Variants in DGCR2 observed in about 807,000 individuals in gnomAD.
DGCR2 encodes the protein integral membrane protein DGCR2/IDD.
Under a neutral mutation model 51.6 loss-of-function variants are expected in DGCR2, and 24 were observed. The observed-to-expected ratio is 0.47, with a 90% confidence interval of 0.34 to 0.65. The LOEUF (loss-of-function observed/expected upper bound fraction) is 0.65, where lower values mean the gene tolerates loss of function less well. DGCR2 is among the 30% of genes least tolerant of loss of function. DGCR2 has a pLI of 0.01. For missense variants in DGCR2, 765 were observed against 772.1 expected, an observed-to-expected ratio of 0.99 and a Z score of 0.11; for synonymous variants, 340 against 315.4, an observed-to-expected ratio of 1.08 and a Z score of -0.82.
intron 1 of DGCR2, among the ~76,000 whole-genome samples, chr22:19,120,812 C>T (rs2083423476): frequency 6.6e-6 from 1 of 152,220 alleles, no homozygotes; most frequent in African/African-American, 2.4e-5. Context: ...CCTCCAAGAG[C>T]CTATATGATA....
At chr22:19,041,982 G>T in intron 7 of DGCR2, 23 bp from the exon 8 acceptor site, 1 of 1,607,078 alleles carries the variant, frequency 6.2e-7, no homozygotes. Flanking sequence ...GGAGGAAATG[G>T]CCGCTCTGAG....
chr22:19,084,660 G>A (rs1425487018), intron 2 of DGCR2, among the ~76,000 whole-genome samples: 2 of 150,532 alleles, frequency 1.3e-5, no homozygotes, highest in Non-Finnish European at 3.0e-5. Context: ...CCCCATCCGG[G>A]AGGGAGGTGG....
intron 1 of DGCR2, among the ~76,000 whole-genome samples, chr22:19,095,570 A>C (rs889038518): frequency 1.3e-5 from 2 of 151,432 alleles, no homozygotes; most frequent in African/African-American, 4.8e-5. Flanking sequence ...CTGAGGCAGA[A>C]GAATGGCGTG....
intron 2 of DGCR2, among the ~76,000 whole-genome samples, chr22:19,071,268 G>A (rs2082812104): frequency 6.6e-6 from 1 of 152,216 alleles, no homozygotes; most frequent in Non-Finnish European, 1.5e-5. Flanking sequence ...CCCAGCACAG[G>A]AACACACTGG....
intron 7 of DGCR2, among the ~76,000 whole-genome samples, chr22:19,045,604 T>A: frequency 6.6e-6 from 1 of 152,384 alleles, no homozygotes; most frequent in East Asian, 1.9e-4. Flanking sequence ...TACCTTTTTA[T>A]TTAAGAGACA....
At position 19,057,139 on chromosome 22, in the gene DGCR2, G is replaced by C. The variant is rs528182323; in HGVS notation, c.649C>G (p.Pro217Ala). ...ATGGCCGAGGCAAAGATGGGGTCTG[G>C]GGGCAGGAACACCTCTGAAGAGCCT... ...FKGSSEVFLP[P>A]DPIFASAMSE... Residue 217 changes from proline (P) to alanine (A), a missense_variant, in exon 6 of 10, where the codon CCA becomes GCA. Transcript: ENST00000263196. This position sits in a 1 kb window ranked among gnomAD's most constrained non-coding sequence, Gnocchi z 5.1. 1 of 1,607,610 alleles carries C rather than the reference G, an allele frequency of 6.2e-7. No individual in the cohort carries two copies. The highest frequency in any genetic ancestry group is 8.5e-7 in the Non-Finnish European group (1 of 1,177,144).
At chr22:19,071,199 C>T (rs1179449105) in intron 2 of DGCR2, among the ~76,000 whole-genome samples, 1 of 152,224 alleles carries the variant, frequency 6.6e-6, no homozygotes, top group Non-Finnish European at 1.5e-5. Flanking sequence ...ACCTGTGCAG[C>T]TCGGAGCACA....
intron 1 of DGCR2, among the ~76,000 whole-genome samples, chr22:19,105,773 A>G (rs2083255430): frequency 6.6e-6 from 1 of 152,172 alleles, no homozygotes; most frequent in Non-Finnish European, 1.5e-5. Flanking sequence ...TGGCATTCCA[A>G]ACAGTGCACA....
chr22:19,061,782 C>T (rs1034369433), intron 5 of DGCR2: 5 of 152,226 alleles, frequency 3.3e-5, no homozygotes, highest in African/African-American at 1.2e-4. Flanking sequence ...TGGTCACCTC[C>T]GTGGAGCTCC....
rs142908403 is a variant in DGCR2, at chr22:19,082,342, T to C, written c.202+7026A>G. Reference sequence around the variant, plus strand: ...TGGTCTCCCAAAGTGCTGGGATTCCTGGCATAAGCACCTGGCCTATTGGTG... The same window carrying C: ...TGGTCTCCCAAAGTGCTGGGATTCCCGGCATAAGCACCTGGCCTATTGGTG... On this transcript the variant is annotated intron_variant, in intron 2 of 9. Coordinates refer to ENST00000263196, the MANE Select transcript of DGCR2 (RefSeq NM_005137.3). 9.9e-5 allele frequency among the ~76,000 whole-genome samples: 15 copies of C among 151,162 alleles called. No homozygotes were observed. In the East Asian group the frequency reaches 2.9e-3, roughly 30 times the overall value.
chr22:19,058,801 A>G (rs1174652123), intron 5 of DGCR2, among the ~76,000 whole-genome samples: 1 of 152,208 alleles, frequency 6.6e-6, no homozygotes, highest in African/African-American at 2.4e-5. Flanking sequence ...GGGGCACAGC[A>G]AGTCAGAGTG....
chr22:19,056,536 A>G, intron 6 of DGCR2: 1 of 417,498 alleles, frequency 2.4e-6, no homozygotes, highest in African/African-American at 2.3e-5. Flanking sequence ...CAAAAGCAAT[A>G]GAGTTAGCTG....
intron 6 of DGCR2, among the ~76,000 whole-genome samples, chr22:19,055,195 C>T (rs549483873): frequency 1.1e-4 from 17 of 151,982 alleles, no homozygotes; most frequent in African/African-American, 4.1e-4. Context: ...TATATATAAA[C>T]CATGAGGATG....
Position 19,060,723 on chromosome 22 carries a change from G to C in DGCR2, c.625+2479C>G, listed in dbSNP as rs543759730. On this transcript the variant is annotated intron_variant, in intron 5 of 9. Transcript: ENST00000263196. ...CCTCATGTCTTCTGGCAGCAGCAGC[G>C]GCAGTTCTGTCTCCAGGGCACATCA... 1.6e-5 allele frequency: 5 copies of C among 317,680 alleles called. No homozygotes were observed. In the East Asian group the frequency reaches 4.2e-4, roughly 27 times the overall value. The allele number at this position is 317,680 out of a possible 1,614,324, so 19.7% of individuals were successfully genotyped here. A position where few individuals can be genotyped will look rare whatever the true frequency, so the allele number is the denominator to read the frequency against.
chr22:19,111,077 A>T (rs2083309197), intron 1 of DGCR2, among the ~76,000 whole-genome samples: 1 of 152,194 alleles, frequency 6.6e-6, no homozygotes, highest in Admixed American at 6.5e-5. Flanking sequence ...GTTAAGAAGT[A>T]ATACATCCAC....
chr22:19,083,521 T>C (rs1441100316), intron 2 of DGCR2, among the ~76,000 whole-genome samples: 2 of 152,182 alleles, frequency 1.3e-5, no homozygotes, highest in Admixed American at 6.5e-5. Context: ...CACAGAACAA[T>C]ATGAGTTTTT....
At position 19,039,046 on chromosome 22, in the gene DGCR2, C is replaced by G. The variant is rs150816482; in HGVS notation, c.1472G>C (p.Arg491Pro). ...AGTGGGCAGAGGCTGCTCCAGGCGC[C>G]GGAGTAATGCACCTTCACTCCCACC... ...GDGGSEGALL[R>P]RLEQPLPTAG... The change falls in exon 10 of 10, where the codon CGG becomes CCG. Residue 491 changes from arginine (R) to proline (P), a missense_variant. Physicochemically the swap from Arg to Pro is moderately radical, Grantham distance 103 (BLOSUM62 -2). Coordinates refer to ENST00000263196, the MANE Select transcript of DGCR2 (RefSeq NM_005137.3). 5.3e-5 allele frequency: 85 copies of G among 1,613,080 alleles called. No homozygotes were observed. The highest frequency in any genetic ancestry group is 3.3e-4 in the Admixed American group (20 of 60,020).
chr22:19,041,679 A>G, intron 8 of DGCR2, 128 bp downstream of exon 8: 1 of 1,091,674 alleles, frequency 9.2e-7, no homozygotes, highest in Non-Finnish European at 1.3e-6. Context: ...GAGGACACAG[A>G]CCCCACAACA....
intron 5 of DGCR2, among the ~76,000 whole-genome samples, chr22:19,058,019 A>G (rs2082622305): frequency 6.6e-6 from 1 of 152,160 alleles, no homozygotes; most frequent in South Asian, 2.1e-4. Flanking sequence ...AAGCAGAATA[A>G]TGAAGGCACA....
Sources: gnomAD v4.1 joint callset for allele counts (sites outside exome capture counted in the v4.1 genomes callset) on GRCh38, gnomAD v4.1.1 for gene constraint, Gnocchi (gnomAD v3.1) non-coding constraint, MANE v1.5 for transcripts, NCBI Gene and HGNC (gene_info 2026-07-23, HGNC 2026-07-21) for gene names.